Variants in WNK1 observed in about 807,000 individuals in gnomAD.
The protein encoded by WNK1 is serine/threonine-protein kinase WNK1.
WNK1 carries 38 observed loss-of-function variants against 222.8 expected under a neutral mutation model. That is an observed-to-expected ratio of 0.17 (90% CI 0.13 to 0.22). The LOEUF (loss-of-function observed/expected upper bound fraction) is 0.22. Among genes scored for constraint, WNK1 ranks in the 10% least tolerant of loss-of-function variants. The pLI, the probability that WNK1 is intolerant of heterozygous loss-of-function variation, is 1.00. For missense variants in WNK1, 2,348 were observed against 2,918.4 expected, an observed-to-expected ratio of 0.80 and a Z score of 4.50; for synonymous variants, 1,090 against 1,092.9, an observed-to-expected ratio of 1.00 and a Z score of 0.05.
chr12:758,365 C>T (rs1445698936), intron 1 of WNK1, among the ~76,000 whole-genome samples: 2 of 114,336 alleles, frequency 1.7e-5, no homozygotes, highest in African/African-American at 3.0e-5. Flanking sequence ...TATTTCTTTG[C>T]TATAGTTCTT....
chr12:900,759 C>A, intron 26 of WNK1, 89 bp downstream of exon 26: 1 of 1,483,612 alleles, frequency 6.7e-7, no homozygotes, highest in Non-Finnish European at 9.4e-7. Flanking sequence ...GGTTGGGAGA[C>A]TAGCTGACCA....
At chr12:758,429 G>C (rs1230129352) in intron 1 of WNK1, among the ~76,000 whole-genome samples, 2 of 105,726 alleles carry the variant, frequency 1.9e-5, no homozygotes, top group South Asian at 3.6e-4. Context: ...CGCCCAGGCC[G>C]GACTGCGGAC....
chr12:869,080 A>G lies in WNK1; in HGVS notation c.2140-2185A>G, dbSNP rs995017756. 3 of 1,613,906 alleles carry G rather than the reference A, an allele frequency of 1.9e-6. No individual in the cohort carries two copies. In the African/African-American group the frequency reaches 4.0e-5, roughly 22 times the overall value. On this transcript the variant is annotated intron_variant, in intron 8 of 27. Transcript: ENST00000315939. ...AGGTCTTAACTGCCTCATTTTCTTC[A>G]GGAGGATCTGCACTTCATCCACAGG...
chr12:827,356 C>T lies in WNK1; in HGVS notation c.1153+94C>T. On this transcript the variant is annotated intron_variant, in intron 3 of 27. Transcript: ENST00000315939. This position sits in a 1 kb window ranked among gnomAD's most constrained non-coding sequence, Gnocchi z 4.6. Reference sequence around the variant, plus strand: ...TGTCAGAGTTTTAAGTGATATAAACCTTAAGAAATTCATAGCTTGAACTCA... The same window carrying T: ...TGTCAGAGTTTTAAGTGATATAAACTTTAAGAAATTCATAGCTTGAACTCA... The T allele has an allele frequency of 8.9e-7, 1 of 1,126,852 alleles. No individual in the cohort carries two copies. Among genetic ancestry groups the T allele is most frequent in the Non-Finnish European group, 1.3e-6 (1 of 743,268 alleles). 69.8% of individuals were successfully genotyped at this position (1,126,852 alleles called of 1,614,324 possible).
At chr12:838,000 T>C (rs186729411) in intron 4 of WNK1, among the ~76,000 whole-genome samples, 9 of 152,188 alleles carry the variant, frequency 5.9e-5, no homozygotes, top group Admixed American at 5.2e-4. Context: ...TCTTTCACTT[T>C]GTATAGTGTT....
chr12:883,263 AAAGAG>A (rs1310459187), intron 15 of WNK1, 127 bp from the exon 16 acceptor site: 6 of 1,166,474 alleles, frequency 5.1e-6, no homozygotes, highest in South Asian at 1.4e-5. Context: ...AAGTTCTTAA[AAAGAG>A]AAGAGCTAAC....
intron 22 of WNK1, among the ~76,000 whole-genome samples, chr12:891,942 G>T (rs1312383600): frequency 6.6e-6 from 1 of 150,646 alleles, no homozygotes; most frequent in Non-Finnish European, 1.5e-5. Context: ...AAAAAATCAT[G>T]CATGAACAAA....
At chr12:821,218 T>C (rs1461341813) in intron 2 of WNK1, among the ~76,000 whole-genome samples, 1 of 152,174 alleles carries the variant, frequency 6.6e-6, no homozygotes, top group Non-Finnish European at 1.5e-5. Flanking sequence ...TATAATCCTT[T>C]TACTATGCAG....
intron 23 of WNK1, among the ~76,000 whole-genome samples, chr12:894,961 A>AGT (rs1954609365): frequency 6.6e-6 from 1 of 152,192 alleles, no homozygotes; most frequent in Non-Finnish European, 1.5e-5. Context: ...CTCCTGTTCC[A>AGT]AATGTTACAG....
In WNK1 at chr12:859,238, T is replaced by C. The variant is rs764009301; in HGVS notation, c.1401-7T>C. 33 of 1,606,842 alleles carry C rather than the reference T, an allele frequency of 2.1e-5. No homozygotes were observed. The highest frequency in any genetic ancestry group is 2.8e-5 in the Non-Finnish European group (33 of 1,173,580). On this transcript the variant is annotated splice_polypyrimidine_tract_variant and splice_region_variant and intron_variant, in intron 5 of 27. Coordinates refer to ENST00000315939, the MANE Select transcript of WNK1 (RefSeq NM_018979.4). ...TTTGTTCCTTTTCTTTTCCCTCTGTTTGGAAGATATTCCATCAAAGACCTT... is the reference window on the plus strand; with the variant it reads ...TTTGTTCCTTTTCTTTTCCCTCTGTCTGGAAGATATTCCATCAAAGACCTT...
chr12:760,186 T>A (rs1442218517), intron 1 of WNK1, among the ~76,000 whole-genome samples: 2 of 148,186 alleles, frequency 1.3e-5, no homozygotes, highest in African/African-American at 4.9e-5. Context: ...TCTGCTAAGA[T>A]CCTTGTCTCA....
chr12:818,200 G>A lies in WNK1; in HGVS notation c.932+4386G>A, dbSNP rs1350134088. Among the ~76,000 whole-genome samples, 7 of 152,156 alleles carry A rather than the reference G, an allele frequency of 4.6e-5. 1 individual carries two copies. In the Middle Eastern group the frequency reaches 0.01, roughly 222 times the overall value. On this transcript the variant is annotated intron_variant, in intron 2 of 27. Transcript: ENST00000315939. The stretch of plus-strand genomic sequence containing the variant: ...ATTTCCCTTCCTCCAGCCAGGCAGC[G>A]TATTTTTTCTTTAATTGCACATTAT...
intron 1 of WNK1, among the ~76,000 whole-genome samples, chr12:794,850 C>T (rs1945158563): frequency 2.6e-5 from 4 of 152,170 alleles, no homozygotes; most frequent in Admixed American, 2.6e-4. Flanking sequence ...CTCCTGAGCT[C>T]AAGCAGTTCT....
At chr12:766,003 T>C (rs1941649628) in intron 1 of WNK1, among the ~76,000 whole-genome samples, 1 of 152,160 alleles carries the variant, frequency 6.6e-6, no homozygotes, top group Non-Finnish European at 1.5e-5. Context: ...ACTCAAAATA[T>C]TTGGTGACCT....
At chr12:776,025 A>G (rs1440848856) in intron 1 of WNK1, among the ~76,000 whole-genome samples, 1 of 152,172 alleles carries the variant, frequency 6.6e-6, no homozygotes, top group Non-Finnish European at 1.5e-5. Flanking sequence ...CTAATAGCTC[A>G]GGTTGTCTGT....
At chr12:791,579 ATTTC>A (rs1483856720) in intron 1 of WNK1, among the ~76,000 whole-genome samples, 1 of 151,298 alleles carries the variant, frequency 6.6e-6, no homozygotes, top group African/African-American at 2.4e-5. Flanking sequence ...AAAAAACTAC[ATTTC>A]CTATTACATT....
intron 1 of WNK1, among the ~76,000 whole-genome samples, chr12:809,243 A>T (rs55785534): frequency 0.55 from 57,082 of 104,580 alleles, 16,085 homozygotes; most frequent in East Asian, 0.88. Flanking sequence ...AAAAAAAAAA[A>T]TTTTTTTTTT....
intron 2 of WNK1, among the ~76,000 whole-genome samples, chr12:814,930 G>A (rs1565468923): frequency 6.6e-6 from 1 of 152,176 alleles, no homozygotes; most frequent in Non-Finnish European, 1.5e-5. Context: ...ATGGGAGACA[G>A]GGCAGATCAT....
chr12:902,133 T>TAAAA (rs56144609), intron 26 of WNK1, among the ~76,000 whole-genome samples: 1 of 136,304 alleles, frequency 7.3e-6, no homozygotes, highest in African/African-American at 2.7e-5. Context: ...ACCCCATCTC[T>TAAAA]AAAAAAAAAA....
Sources: gnomAD v4.1 joint callset for allele counts (sites outside exome capture counted in the v4.1 genomes callset) on GRCh38, gnomAD v4.1.1 for gene constraint, Gnocchi (gnomAD v3.1) non-coding constraint, MANE v1.5 for transcripts, NCBI Gene and HGNC (gene_info 2026-07-23, HGNC 2026-07-21) for gene names.